VPS13D: variants seen among roughly 807,000 people sequenced by gnomAD.
The protein encoded by VPS13D is intermembrane lipid transfer protein VPS13D.
Under a neutral mutation model 461.9 loss-of-function variants are expected in VPS13D, and 187 were observed. The observed-to-expected ratio is 0.40, with a 90% CI of 0.36 to 0.46. The LOEUF (loss-of-function observed/expected upper bound fraction) is 0.46. VPS13D is among the 20% of genes least tolerant of loss of function. VPS13D has a pLI of 0.60. For synonymous variants in VPS13D, 1,951 were observed against 1,986.3 expected (o/e 0.98, Z 0.47); for missense variants, 4,711 against 5,364.9 (o/e 0.88, Z 3.81).
chr1:12,371,693 C>A (rs1440032541), intron 54 of VPS13D, among the ~76,000 whole-genome samples: 1 of 151,990 alleles, frequency 6.6e-6, no homozygotes, highest in African/African-American at 2.4e-5. Context: ...GCTCCTGGCC[C>A]ATTTTTTTTA....
At chr1:12,233,759 C>T (rs2101171272) in intron 1 of VPS13D, among the ~76,000 whole-genome samples, 1 of 152,228 alleles carries the variant, frequency 6.6e-6, no homozygotes, top group South Asian at 2.1e-4. Context: ...TCTTTTAAAA[C>T]ATCTGCAGCC....
intron 1 of VPS13D, among the ~76,000 whole-genome samples, chr1:12,231,197 G>A (rs1019672460): frequency 2.0e-5 from 3 of 152,334 alleles, no homozygotes; most frequent in South Asian, 2.1e-4. Context: ...GGGAGCCCAG[G>A]TGGGGGTTAG....
At position 12,293,043 on chromosome 1, in the gene VPS13D, C is replaced by G. The variant is rs150251029; in HGVS notation, c.5853-481C>G. ...TTGTAGAAGTCTTCTAATTTATCTT[C>G]GACTATAGATTCCAGAACTCTTTGA... On this transcript the variant is annotated intron_variant, in intron 23 of 69. Coordinates refer to ENST00000620676, the MANE Select transcript of VPS13D (RefSeq NM_015378.4). Among the ~76,000 whole-genome samples the G allele has an allele frequency of 1.3e-3, 203 of 152,296 alleles. 1 individual carries two copies. Among genetic ancestry groups the G allele is most frequent in the African/African-American group, 4.7e-3 (194 of 41,558 alleles).
intron 60 of VPS13D, among the ~76,000 whole-genome samples, chr1:12,395,996 G>GATATATATATATATATATATATAT (rs58476786): frequency 3.8e-4 from 28 of 73,766 alleles, no homozygotes; most frequent in Non-Finnish European, 5.4e-4. Context: ...ACTAATAGGA[G>GATATATATATATATATATATATAT]ATATATATAT....
intron 38 of VPS13D, among the ~76,000 whole-genome samples, chr1:12,334,002 A>G (rs1643391974): frequency 6.6e-6 from 1 of 152,192 alleles, no homozygotes; most frequent in East Asian, 1.9e-4. Flanking sequence ...TCATTGTTTG[A>G]TTTATTGATC....
At position 12,415,088 on chromosome 1, in the gene VPS13D, CCCTAAAAAGCA is replaced by C; in HGVS notation, c.12036_12046del (p.Lys4013GlyfsTer8). The C allele has an allele frequency of 6.2e-7, 1 of 1,613,790 alleles. No homozygotes were observed. The highest frequency in any genetic ancestry group is 8.5e-7 in the Non-Finnish European group (1 of 1,179,838). On this transcript the variant is annotated frameshift_variant and splice_region_variant, in exon 64 of 70. Transcript: ENST00000620676. LOFTEE classifies it high-confidence loss of function. ...TCATTTCCTTTCTTCCCTAATTAGGCCCTAAAAAGCACCTTGGGGTTTCCTTTGATACGGTT... is the reference window on the plus strand; with the variant it reads ...TCATTTCCTTTCTTCCCTAATTAGGCCCTTGGGGTTTCCTTTGATACGGTT...
intron 61 of VPS13D, 105 bp from the exon 62 acceptor site, chr1:12,401,503 C>A: frequency 6.8e-6 from 5 of 735,472 alleles, no homozygotes; most frequent in East Asian, 2.6e-5. Context: ...GTTATAAAGC[C>A]ACATGATTAA....
chr1:12,506,399 G>C (rs1646106848), intron 68 of VPS13D, among the ~76,000 whole-genome samples: 1 of 152,176 alleles, frequency 6.6e-6, no homozygotes, highest in Non-Finnish European at 1.5e-5. Context: ...GCTGAGCTTA[G>C]AGAGGGAGGA....
At position 12,511,347 on chromosome 1, in the gene VPS13D, C is replaced by G. The variant is rs556661196; in HGVS notation, c.*2323C>G. ...GCGAGCTGCTCCACTTCTCAGCTCT[C>G]CCCTGCCCTGCAGCCCTGGGCCAGA... On this transcript the variant is annotated 3_prime_UTR_variant, in exon 70 of 70. Coordinates refer to ENST00000620676, the MANE Select transcript of VPS13D (RefSeq NM_015378.4). This position sits in a 1 kb window ranked among gnomAD's most constrained non-coding sequence, Gnocchi z 4.5. 1.3e-5 allele frequency: 2 copies of G among 152,340 alleles called. No individual in the cohort carries two copies. The highest frequency in any genetic ancestry group is 2.9e-5 in the Non-Finnish European group (2 of 68,052). The allele number at this position is 152,340 out of a possible 1,614,324, so 9.4% of individuals were successfully genotyped here.
intron 2 of VPS13D, among the ~76,000 whole-genome samples, chr1:12,241,279 T>C (rs989487454): frequency 6.6e-6 from 1 of 152,206 alleles, no homozygotes; most frequent in African/African-American, 2.4e-5. Flanking sequence ...CCACAAGTCC[T>C]GAACAATCAT....
At chr1:12,257,501 T>G (rs1640958336) in intron 9 of VPS13D, among the ~76,000 whole-genome samples, 1 of 152,260 alleles carries the variant, frequency 6.6e-6, no homozygotes, top group Admixed American at 6.5e-5. Context: ...TGTTTTCATG[T>G]TGCAGTGATA....
At chr1:12,406,164 G>A (rs2101691792) in intron 63 of VPS13D, among the ~76,000 whole-genome samples, 1 of 152,300 alleles carries the variant, frequency 6.6e-6, no homozygotes, top group South Asian at 2.1e-4. Flanking sequence ...CCAGCAGGGT[G>A]CGGGGAATTG....
In VPS13D at chr1:12,307,580, G is replaced by C. The variant is rs907840324; in HGVS notation, c.6440-851G>C. 3.3e-5 allele frequency among the ~76,000 whole-genome samples: 5 copies of C among 152,234 alleles called. No individual in the cohort carries two copies. The South Asian group carries it at 1.0e-3, about 32-fold the overall frequency. On this transcript the variant is annotated intron_variant, in intron 26 of 69. Coordinates refer to ENST00000620676, the MANE Select transcript of VPS13D (RefSeq NM_015378.4). ...GTGATCTTGGCTCACTGCAACCTCT[G>C]CCTCCCGAGTTCAAGCCATTCTCCT...
At chr1:12,410,183 A>G (rs1230874969) in intron 63 of VPS13D, among the ~76,000 whole-genome samples, 2 of 152,240 alleles carry the variant, frequency 1.3e-5, no homozygotes, top group South Asian at 2.1e-4. Flanking sequence ...TTTCTAAGTG[A>G]CACAGTCTGA....
chr1:12,321,699 T>C lies in VPS13D; in HGVS notation c.7549-110T>C, dbSNP rs1569899969. On this transcript the variant is annotated intron_variant, in intron 32 of 69. Coordinates refer to ENST00000620676, the MANE Select transcript of VPS13D (RefSeq NM_015378.4). ...TATTTATTTCAGCAGTTGTTATGGG[T>C]CTTATGATAACACATGGCTGACTGC... 1.3e-5 allele frequency: 15 copies of C among 1,181,276 alleles called. No homozygotes were observed. In the East Asian group the frequency reaches 3.8e-4, roughly 30 times the overall value. 73.2% of individuals were successfully genotyped at this position (1,181,276 alleles called of 1,614,324 possible). A position where few individuals can be genotyped will look rare whatever the true frequency, so the allele number is the denominator to read the frequency against.
In VPS13D at chr1:12,378,492, C is replaced by T. The variant is rs752225333; in HGVS notation, c.10982C>T (p.Ser3661Phe). Reference protein sequence around the residue: ...TGTGMLAHEGSSVPHNPNKPS... With the variant: ...TGTGMLAHEGFSVPHNPNKPS... Reference sequence around the variant, plus strand: ...ACAGGAATGCTGGCCCATGAGGGCTCCTCAGTTCCTCACAATCCCAATAAG... The same window carrying T: ...ACAGGAATGCTGGCCCATGAGGGCTTCTCAGTTCCTCACAATCCCAATAAG... Residue 3661 changes from serine to phenylalanine, a missense_variant, in exon 56 of 70, where the codon TCC becomes TTC. This residue lies in a region of VPS13D where 4,411 missense variants were observed against 4,937.8 expected (regional missense o/e 0.89). Transcript: ENST00000620676. The T allele has an allele frequency of 6.2e-7, 1 of 1,612,820 alleles. No individual in the cohort carries two copies. Among genetic ancestry groups the T allele is most frequent in the Non-Finnish European group, 8.5e-7 (1 of 1,179,502 alleles).
chr1:12,357,935 CG>C (rs5772487), intron 49 of VPS13D, among the ~76,000 whole-genome samples: 19,342 of 150,268 alleles, frequency 0.13, 1,707 homozygotes, highest in Non-Finnish European at 0.2. Flanking sequence ...ACCTGGGAGG[CG>C]GAGGTTGCAG....
chr1:12,502,026 AAGGGTGGG>A lies in VPS13D; in HGVS notation c.12794+4396_12794+4403del, dbSNP rs1346002169. ...TGTGGAAAGAAGGAGCAGAGGCTGG[AAGGGTGGG>A]TTCCCAGGCCTGTTGCTGAAGGCTG... is the stretch of plus-strand genomic sequence containing the variant. On this transcript the variant is annotated intron_variant, in intron 68 of 69. Coordinates refer to ENST00000620676, the MANE Select transcript of VPS13D (RefSeq NM_015378.4). This position sits in a 1 kb window ranked among gnomAD's most constrained non-coding sequence, Gnocchi z 4.3. 6.6e-6 allele frequency among the ~76,000 whole-genome samples: 1 copy of A among 152,154 alleles called. No individual in the cohort carries two copies. The highest frequency in any genetic ancestry group is 1.5e-5 in the Non-Finnish European group (1 of 68,032).
At chr1:12,376,261 C>A (rs1644197510) in intron 55 of VPS13D, among the ~76,000 whole-genome samples, 1 of 152,236 alleles carries the variant, frequency 6.6e-6, no homozygotes, top group Non-Finnish European at 1.5e-5. Context: ...CAGTAGCACA[C>A]AGCAGAGACA....
Sources: gnomAD v4.1 joint callset for allele counts (sites outside exome capture counted in the v4.1 genomes callset) on GRCh38, gnomAD v4.1.1 for gene constraint, gnomAD v4.1.1 regional missense constraint, Gnocchi (gnomAD v3.1) non-coding constraint, MANE v1.5 for transcripts, NCBI Gene and HGNC (gene_info 2026-07-23, HGNC 2026-07-21) for gene names.